Variants in LRBA observed in about 807,000 individuals in gnomAD.
LRBA encodes the protein lipopolysaccharide-responsive and beige-like anchor protein.
Under a neutral mutation model 330.0 loss-of-function variants are expected in LRBA, and 176 were observed. That is an observed-to-expected ratio of 0.53 (90% CI 0.47 to 0.60). The LOEUF (loss-of-function observed/expected upper bound fraction) is 0.60. Ranked by LOEUF, LRBA falls within the 20% of genes least tolerant of loss-of-function variation. The pLI, the probability that LRBA is intolerant of heterozygous loss-of-function variation, is 0.00. For synonymous variants in LRBA, 1,230 were observed against 1,193.0 expected (o/e 1.03, Z -0.64); for missense variants, 3,259 against 3,444.8 (o/e 0.95, Z 1.35).
At chr4:150,340,099 G>C (rs968638187) in intron 48 of LRBA, among the ~76,000 whole-genome samples, 1 of 152,080 alleles carries the variant, frequency 6.6e-6, no homozygotes, top group Admixed American at 6.6e-5. Context: ...AGAAGGATAT[G>C]TTTGCTTCCC....
chr4:150,388,606 T>C (rs1743420625), intron 47 of LRBA, among the ~76,000 whole-genome samples: 1 of 152,212 alleles, frequency 6.6e-6, no homozygotes, highest in Non-Finnish European at 1.5e-5. Context: ...GGATAGACAT[T>C]CTCATTCTAA....
chr4:150,808,022 T>C (rs954620829), intron 32 of LRBA, among the ~76,000 whole-genome samples: 2 of 152,204 alleles, frequency 1.3e-5, no homozygotes, highest in Non-Finnish European at 2.9e-5. Flanking sequence ...AAGAAAGTCA[T>C]AAGCTTATGT....
chr4:150,505,069 C>T (rs907138942), intron 40 of LRBA, among the ~76,000 whole-genome samples: 5 of 152,170 alleles, frequency 3.3e-5, no homozygotes, highest in African/African-American at 1.2e-4. Context: ...CACCTAGATT[C>T]ATAAAGCAAG....
intron 2 of LRBA, among the ~76,000 whole-genome samples, chr4:150,960,973 G>GT (rs1025270094): frequency 6.7e-6 from 1 of 149,214 alleles, no homozygotes; most frequent in African/African-American, 2.6e-5. Context: ...CCTCAAAACA[G>GT]TAACAGTGCT....
intron 40 of LRBA, among the ~76,000 whole-genome samples, chr4:150,540,474 C>T (rs1484803276): frequency 3.9e-5 from 6 of 152,116 alleles, no homozygotes; most frequent in Admixed American, 6.5e-5. Context: ...GGTATACAGG[C>T]ATGAGCCACC....
At chr4:150,551,448 G>A (rs1766577122) in intron 40 of LRBA, among the ~76,000 whole-genome samples, 1 of 152,082 alleles carries the variant, frequency 6.6e-6, no homozygotes, top group African/African-American at 2.4e-5. Context: ...GGAGGCTGAG[G>A]TAGGTAGATC....
At chr4:150,595,555 G>C (rs58667413) in intron 38 of LRBA, among the ~76,000 whole-genome samples, 1,580 of 151,894 alleles carry the variant, frequency 0.01, 37 homozygotes, top group African/African-American at 0.036. Flanking sequence ...GAATTCAATA[G>C]GATTCTCTGC....
At chr4:150,363,829 C>T (rs148512965) in intron 47 of LRBA, among the ~76,000 whole-genome samples, 11 of 152,216 alleles carry the variant, frequency 7.2e-5, no homozygotes, top group Middle Eastern at 3.4e-3. Flanking sequence ...TCTGATTTAC[C>T]GCAATTCAAT....
At chr4:150,427,273 T>C (rs1749764576) in intron 46 of LRBA, among the ~76,000 whole-genome samples, 1 of 152,104 alleles carries the variant, frequency 6.6e-6, no homozygotes, top group African/African-American at 2.4e-5. Flanking sequence ...AATGCCTTAA[T>C]AGGTTTTTAA....
chr4:150,349,165 G>A (rs946529588), intron 48 of LRBA, among the ~76,000 whole-genome samples: 6 of 152,198 alleles, frequency 3.9e-5, no homozygotes, highest in African/African-American at 7.2e-5. Flanking sequence ...CATACCTTCC[G>A]CATGATCAGA....
chr4:150,395,496 T>C (rs908540758), intron 47 of LRBA, among the ~76,000 whole-genome samples: 2 of 152,154 alleles, frequency 1.3e-5, no homozygotes, highest in Non-Finnish European at 2.9e-5. Context: ...TGTTATGGCC[T>C]CCTAATTGAT....
At chr4:150,397,598 AG>A (rs1454721828) in intron 47 of LRBA, among the ~76,000 whole-genome samples, 2 of 152,216 alleles carry the variant, frequency 1.3e-5, no homozygotes, top group African/African-American at 2.4e-5. Flanking sequence ...TTCTTAAAAT[AG>A]GTATGGTCTC....
chr4:150,426,380 C>T (rs1188594810), intron 46 of LRBA, among the ~76,000 whole-genome samples: 1 of 151,820 alleles, frequency 6.6e-6, no homozygotes, highest in East Asian at 1.9e-4. Flanking sequence ...TCATGGATTA[C>T]AAATCAATAG....
At chr4:150,371,654 C>CAA (rs2151865469) in intron 47 of LRBA, among the ~76,000 whole-genome samples, 1 of 151,974 alleles carries the variant, frequency 6.6e-6, no homozygotes, top group Non-Finnish European at 1.5e-5. Context: ...ACATGGAAAG[C>CAA]AGAGAGCTGA....
chr4:150,687,652 A>C (rs1783744659), intron 36 of LRBA, among the ~76,000 whole-genome samples: 1 of 152,150 alleles, frequency 6.6e-6, no homozygotes, highest in African/African-American at 2.4e-5. Context: ...ATAAACCTCC[A>C]CAGAAGAAAT....
chr4:150,771,008 T>C (rs1736488282), intron 34 of LRBA, among the ~76,000 whole-genome samples: 2 of 152,210 alleles, frequency 1.3e-5, no homozygotes, highest in Admixed American at 6.5e-5. Flanking sequence ...AACTCCATTT[T>C]TGCCTGAGGA....
intron 35 of LRBA, among the ~76,000 whole-genome samples, chr4:150,745,716 A>G (rs950607179): frequency 6.6e-6 from 1 of 151,950 alleles, no homozygotes; most frequent in African/African-American, 2.4e-5. Context: ...GGATTTCACT[A>G]TGTTGGCCAG....
chr4:150,913,491 C>G (rs943527755), intron 9 of LRBA, among the ~76,000 whole-genome samples: 4 of 152,086 alleles, frequency 2.6e-5, no homozygotes, highest in African/African-American at 4.8e-5. Flanking sequence ...AGAAGAAGAA[C>G]AATGCACATT....
intron 48 of LRBA, among the ~76,000 whole-genome samples, chr4:150,347,658 AAAAC>A (rs933884739): frequency 2.0e-5 from 3 of 151,534 alleles, no homozygotes; most frequent in Non-Finnish European, 4.4e-5. Flanking sequence ...AAAAAAAAAA[AAAAC>A]AAAGGTAAAA....
Sources: allele counts gnomAD v4.1 joint callset (sites outside exome capture counted in the v4.1 genomes callset), GRCh38; gene constraint gnomAD v4.1.1; transcripts MANE v1.5; gene names NCBI Gene and HGNC (gene_info 2026-07-23, HGNC 2026-07-21).